The following ABCG2 variants were observed in gnomAD, a reference collection of about 807,000 sequenced individuals.
ABCG2 encodes broad substrate specificity ATP-binding cassette transporter ABCG2.
ABCG2 carries 80 observed loss-of-function variants against 73.5 expected under a neutral mutation model. That is an observed-to-expected ratio of 1.09 (90% CI 0.91 to 1.31). ABCG2 has a LOEUF of 1.31. Among genes scored for constraint, ABCG2 ranks in the 50% most tolerant of loss-of-function variants. ABCG2 has a pLI of 0.00. For synonymous variants in ABCG2, 269 were observed against 282.4 expected (o/e 0.95, Z 0.48); for missense variants, 796 against 786.2 (o/e 1.01, Z -0.15).
chr4:88,137,505 G>T (rs1725334663), intron 2 of ABCG2, among the ~76,000 whole-genome samples: 2 of 152,168 alleles, frequency 1.3e-5, no homozygotes, highest in African/African-American at 4.8e-5. Context: ...GATGAGATAA[G>T]AAAATACCAC....
intron 1 of ABCG2, among the ~76,000 whole-genome samples, chr4:88,148,631 ATTAATAC>A (rs1306693369): frequency 6.6e-6 from 1 of 152,190 alleles, no homozygotes; most frequent in Non-Finnish European, 1.5e-5. Context: ...ACTTACAGAA[ATTAATAC>A]TTATTACTAA....
At chr4:88,151,612 G>A (rs1207493145) in intron 1 of ABCG2, among the ~76,000 whole-genome samples, 3 of 151,972 alleles carry the variant, frequency 2.0e-5, no homozygotes, top group Non-Finnish European at 2.9e-5. Flanking sequence ...GTGGAGGGGC[G>A]CCGGTAGTCC....
intron 10 of ABCG2, among the ~76,000 whole-genome samples, chr4:88,105,124 CAAT>C (rs1293767436): frequency 6.6e-6 from 1 of 152,204 alleles, no homozygotes; most frequent in Non-Finnish European, 1.5e-5. Flanking sequence ...GTAAAAACAA[CAAT>C]GACATCACTC....
rs758766280 is a variant in ABCG2 at position 88,113,536 on chromosome 4, G to A, written c.961C>T (p.Pro321Ser). The A allele has an allele frequency of 6.2e-7, 1 of 1,613,868 alleles. No individual in the cohort carries two copies. The highest frequency in any genetic ancestry group is 8.5e-7 in the Non-Finnish European group (1 of 1,179,866). The change falls in exon 9 of 16, where the codon CCT (proline) becomes TCT (serine). Residue 321 changes from proline (P) to serine (S), a missense_variant. Coordinates refer to ENST00000237612, the MANE Select transcript of ABCG2 (RefSeq NM_004827.3). ...EDFKATEIIE[P>S]SKQDKPLIEK... is the part of the protein sequence containing the mutation. ...ATGAGTGGCTTATCCTGCTTGGAAGGCTCTATGATCTCTGTGGCTTTGCAA... is the reference window on the plus strand; with the variant it reads ...ATGAGTGGCTTATCCTGCTTGGAAGACTCTATGATCTCTGTGGCTTTGCAA...
chr4:88,121,215 A>G (rs887784363), intron 6 of ABCG2, among the ~76,000 whole-genome samples: 2 of 152,194 alleles, frequency 1.3e-5, no homozygotes, highest in African/African-American at 4.8e-5. Context: ...AAGTAGAGTA[A>G]AAAAGGCCCA....
At chr4:88,114,771 A>T (rs900323017) in intron 8 of ABCG2, among the ~76,000 whole-genome samples, 186 bp downstream of exon 8, 1 of 152,174 alleles carries the variant, frequency 6.6e-6, no homozygotes, top group African/African-American at 2.4e-5. Flanking sequence ...CACCATATAA[A>T]TTCTCATTTA....
rs143431247 is a variant in ABCG2 at position 88,178,640 on chromosome 4, G to A, written c.-19-38626C>T. Among the ~76,000 whole-genome samples, 299 of 152,254 alleles carry A rather than the reference G, an allele frequency of 2.0e-3. 1 individual carries two copies. The highest frequency in any genetic ancestry group is 6.6e-3 in the African/African-American group (273 of 41,568). On this transcript the variant is annotated intron_variant, in intron 1 of 15. Coordinates refer to the ABCG2 transcript ENST00000515655. ...CTTGGGGTCCCTGATTCCAGGCCTTGGTTCTTAAACAATATTTCGGGACCT... is the reference window on the plus strand; with the variant it reads ...CTTGGGGTCCCTGATTCCAGGCCTTAGTTCTTAAACAATATTTCGGGACCT...
chr4:88,194,152 G>C (rs1009812451), intron 1 of ABCG2, among the ~76,000 whole-genome samples: 24 of 152,226 alleles, frequency 1.6e-4, no homozygotes, highest in East Asian at 1.9e-4. Flanking sequence ...CCTCTTTCCT[G>C]TTGGCTGGAA....
intron 1 of ABCG2, among the ~76,000 whole-genome samples, chr4:88,157,493 T>C (rs1260844870): frequency 6.6e-6 from 1 of 152,192 alleles, no homozygotes; most frequent in Non-Finnish European, 1.5e-5. Flanking sequence ...TTGTTATGCA[T>C]GATATTATGG....
intron 1 of ABCG2, among the ~76,000 whole-genome samples, chr4:88,228,369 A>G (rs916559333): frequency 1.3e-5 from 2 of 152,130 alleles, no homozygotes; most frequent in African/African-American, 4.8e-5. Flanking sequence ...TATGTCTCTA[A>G]AGTCATCTGC....
intron 2 of ABCG2, among the ~76,000 whole-genome samples, chr4:88,133,826 C>T (rs759221444): frequency 5.9e-5 from 9 of 152,082 alleles, no homozygotes; most frequent in Non-Finnish European, 1.2e-4. Context: ...GGCAAAACCC[C>T]GTCTCTACTA....
rs767611090 is a variant in ABCG2 at position 88,121,736 on chromosome 4, T to C, written c.588A>G (p.Ile196Met). The change falls in exon 6 of 16, where the codon ATA becomes ATG. Residue 196 changes from isoleucine (I) to methionine (M), a missense_variant. By Grantham distance (10) the Ile-to-Met change is conservative. Coordinates refer to ENST00000237612, the MANE Select transcript of ABCG2 (RefSeq NM_004827.3). ...AAGGATCAGTGATAAGCTCCATTCC[T>C]ATACTAGTCCTTTTTCTTTCTCCTC... The part of the protein sequence containing the change: ...VSGGERKRTS[I>M]GMELITDPSI... 5.0e-6 allele frequency: 8 copies of C among 1,614,066 alleles called. No individual in the cohort carries two copies. In the East Asian group the frequency reaches 1.3e-4, roughly 27 times the overall value.
chr4:88,190,465 G>A (rs1303395307), intron 1 of ABCG2, among the ~76,000 whole-genome samples: 1 of 152,118 alleles, frequency 6.6e-6, no homozygotes, highest in Non-Finnish European at 1.5e-5. Flanking sequence ...AAAATTAGGA[G>A]GGCATCTGGT....
chr4:88,126,614 T>C (rs2110031840), intron 5 of ABCG2, among the ~76,000 whole-genome samples: 1 of 152,354 alleles, frequency 6.6e-6, no homozygotes, highest in Non-Finnish European at 1.5e-5. Context: ...GATGCAAGGC[T>C]GCTTCAACAT....
At chr4:88,208,494 G>A (rs567590652) in intron 1 of ABCG2, among the ~76,000 whole-genome samples, 7 of 152,146 alleles carry the variant, frequency 4.6e-5, no homozygotes, top group African/African-American at 1.2e-4. Context: ...AGGGCTGGTC[G>A]GGTAGATACA....
intron 13 of ABCG2, among the ~76,000 whole-genome samples, chr4:88,097,221 A>G (rs761368597): frequency 6.6e-6 from 1 of 152,208 alleles, no homozygotes; most frequent in Non-Finnish European, 1.5e-5. Context: ...TAGTAACAAT[A>G]TTAACTAAAA....
intron 1 of ABCG2, among the ~76,000 whole-genome samples, chr4:88,175,490 G>T (rs1727925193): frequency 6.6e-6 from 1 of 152,040 alleles, no homozygotes; most frequent in Non-Finnish European, 1.5e-5. Context: ...TCACCTCAAG[G>T]TCCAGTATGT....
chr4:88,212,052 C>T (rs1284032922), intron 1 of ABCG2, among the ~76,000 whole-genome samples: 1 of 152,134 alleles, frequency 6.6e-6, no homozygotes, highest in Non-Finnish European at 1.5e-5. Context: ...TTACACATAC[C>T]GCCCCCAAAT....
intron 9 of ABCG2, among the ~76,000 whole-genome samples, chr4:88,111,424 G>C (rs1196197497): frequency 2.0e-5 from 3 of 152,076 alleles, no homozygotes; most frequent in Non-Finnish European, 4.4e-5. Context: ...GGAGAAATTA[G>C]CAATATGGTT....
Sources: allele counts gnomAD v4.1 joint callset (sites outside exome capture counted in the v4.1 genomes callset), GRCh38; gene constraint gnomAD v4.1.1; transcripts MANE v1.5; gene names NCBI Gene and HGNC (gene_info 2026-07-23, HGNC 2026-07-21).